NINJ2: variants seen among roughly 807,000 people sequenced by gnomAD.
NINJ2 encodes ninjurin-2.
In NINJ2, 12 loss-of-function variants were observed where a neutral mutation model predicts 11.7. The ratio of observed to expected loss-of-function variants is 1.02; its 90% CI spans 0.66 to 1.66. NINJ2 has a LOEUF of 1.66. NINJ2 is among the 40% of genes most tolerant of loss of function. The probability of loss-of-function intolerance (pLI) is 0.00; values close to 1 mark genes in which losing one functional copy is unlikely to be tolerated. For missense variants in NINJ2, 187 were observed against 181.8 expected, an observed-to-expected ratio of 1.03 and a Z score of -0.16; for synonymous variants, 93 against 76.8, an observed-to-expected ratio of 1.21 and a Z score of -1.10.
chr12:604,215 T>G (rs1179768314), intron 1 of NINJ2, among the ~76,000 whole-genome samples: 1 of 152,130 alleles, frequency 6.6e-6, no homozygotes, highest in Non-Finnish European at 1.5e-5. Flanking sequence ...GTAGACCAAT[T>G]TGGGGAGTAT....
rs547420630 is a variant in NINJ2, at chr12:640,903, A to G, written c.33+22425T>C. 3 of 152,192 alleles carry G rather than the reference A, an allele frequency of 2.0e-5. No homozygotes were observed. The highest frequency in any genetic ancestry group is 6.6e-5 in the Admixed American group (1 of 15,266). 9.4% of individuals were successfully genotyped at this position (152,192 alleles called of 1,614,324 possible). ...CTCCAACCCCTCCACTGTGGCTCCAATGTTACAGACCACTCCTAACTTCAG... is the reference window on the plus strand; with the variant it reads ...CTCCAACCCCTCCACTGTGGCTCCAGTGTTACAGACCACTCCTAACTTCAG... On this transcript the variant is annotated intron_variant, in intron 1 of 3. Transcript: ENST00000305108. This position sits in a 1 kb window ranked among gnomAD's most constrained non-coding sequence, Gnocchi z 4.0.
intron 1 of NINJ2, among the ~76,000 whole-genome samples, chr12:567,423 A>T (rs577465243): frequency 5.3e-4 from 81 of 152,314 alleles, no homozygotes; most frequent in African/African-American, 1.9e-3. Context: ...GCTAGGATTT[A>T]TTGAAGCATA....
chr12:583,470 C>G (rs1279668968), intron 1 of NINJ2, among the ~76,000 whole-genome samples: 6 of 152,256 alleles, frequency 3.9e-5, no homozygotes, highest in Non-Finnish European at 8.8e-5. Flanking sequence ...AGGCTGCCAC[C>G]TGGCACCTGC....
intron 1 of NINJ2, chr12:643,296 ACT>A (rs918740123): frequency 5.2e-5 from 17 of 327,172 alleles, no homozygotes; most frequent in African/African-American, 6.7e-5. Flanking sequence ...CTGTCTGGAG[ACT>A]CTGCACCGTC....
chr12:577,438 T>TGTATATATATATATAC (rs1555161806), intron 1 of NINJ2, among the ~76,000 whole-genome samples: 72 of 140,846 alleles, frequency 5.1e-4, no homozygotes, highest in Admixed American at 8.1e-4. Flanking sequence ...TACATATATA[T>TGTATATATATATATAC]ATATAAATAT....
intron 1 of NINJ2, among the ~76,000 whole-genome samples, chr12:601,179 A>T (rs1194578544): frequency 7.9e-5 from 12 of 152,234 alleles, no homozygotes; most frequent in Admixed American, 7.2e-4. Flanking sequence ...TTTAGAATGC[A>T]TGTAACTAGG....
At chr12:617,567 G>A (rs1294460384) in intron 1 of NINJ2, among the ~76,000 whole-genome samples, 1 of 152,170 alleles carries the variant, frequency 6.6e-6, no homozygotes, top group Non-Finnish European at 1.5e-5. Flanking sequence ...GAAGCTCCTG[G>A]GGATAAAAGG....
chr12:643,685 C>T (rs1401058762), intron 1 of NINJ2: 4 of 987,926 alleles, frequency 4.0e-6, no homozygotes, highest in Non-Finnish European at 4.8e-6. Context: ...TTGAGCCACG[C>T]CTCACCGCAA....
At chr12:599,503 C>T (rs76620290) in intron 1 of NINJ2, among the ~76,000 whole-genome samples, 3,171 of 152,272 alleles carry the variant, frequency 0.021, 117 homozygotes, top group African/African-American at 0.071. Context: ...AGCTACAGCA[C>T]AAGCCATCAC....
chr12:609,218 G>A (rs537275284), intron 1 of NINJ2, among the ~76,000 whole-genome samples: 3 of 130,250 alleles, frequency 2.3e-5, no homozygotes, highest in Non-Finnish European at 5.1e-5. Flanking sequence ...CCACGCGCTA[G>A]GGGCTGAACG....
In NINJ2 at chr12:601,341, TC is replaced by T. The variant is rs1565630577; in HGVS notation, c.34-35164del. ...GCGGGCGGATCAGGAAGTCAGGAGA[TC>T]GAGACCATCCTGGCTAACACAGTGA... On this transcript the variant is annotated intron_variant, in intron 1 of 3. Transcript: ENST00000305108. 5.8e-5 allele frequency among the ~76,000 whole-genome samples: 8 copies of T among 138,670 alleles called. No homozygotes were observed. In the South Asian group the frequency reaches 1.8e-3, roughly 32 times the overall value. 91.0% of individuals were successfully genotyped at this position (138,670 alleles called of 152,430 possible).
rs940481822 is a variant in NINJ2 at position 610,723 on chromosome 12, T to G, written c.34-44545A>C. On this transcript the variant is annotated intron_variant, in intron 1 of 3. Coordinates refer to ENST00000305108, the MANE Select transcript of NINJ2 (RefSeq NM_016533.6). ...ACAAGGACAACCACAGCACTGGAAA[T>G]CTATTCTTTTTTTTTTTTTTTTTTT... 4.9e-5 allele frequency: 21 copies of G among 425,438 alleles called. No individual in the cohort carries two copies. The Middle Eastern group carries it at 3.6e-3, about 73-fold the overall frequency. The allele number at this position is 425,438 out of a possible 1,614,324, so 26.4% of individuals were successfully genotyped here. A position where few individuals can be genotyped will look rare whatever the true frequency, so the allele number is the denominator to read the frequency against.
intron 1 of NINJ2, among the ~76,000 whole-genome samples, chr12:646,099 G>A (rs1937675128): frequency 6.6e-6 from 1 of 152,180 alleles, no homozygotes; most frequent in Admixed American, 6.5e-5. Context: ...CACTACTACT[G>A]TGACTAGCAT....
intron 1 of NINJ2, among the ~76,000 whole-genome samples, chr12:634,363 G>A (rs774543815): frequency 7.4e-6 from 1 of 134,694 alleles, no homozygotes; most frequent in Non-Finnish European, 1.5e-5. Context: ...AGGTTCACAC[G>A]ATTCTCCTGC....
intron 1 of NINJ2, among the ~76,000 whole-genome samples, chr12:584,499 T>TATC (rs1947604886): frequency 1.3e-5 from 2 of 150,254 alleles, no homozygotes; most frequent in Non-Finnish European, 3.0e-5. Context: ...AGTGAAACCC[T>TATC]ATCTCTACTA....
intron 1 of NINJ2, among the ~76,000 whole-genome samples, chr12:662,616 A>T (rs918717347): frequency 9.2e-5 from 14 of 152,144 alleles, no homozygotes; most frequent in Admixed American, 1.3e-4. Flanking sequence ...GTGGTCATAG[A>T]AGGGTTCGTT....
chr12:567,781 G>A (rs557048554), intron 1 of NINJ2, among the ~76,000 whole-genome samples: 2 of 152,288 alleles, frequency 1.3e-5, no homozygotes, highest in African/African-American at 4.8e-5. Flanking sequence ...CAAGGCAGGG[G>A]GATCATTTGA....
chr12:643,610 A>ACGGCCAC, intron 1 of NINJ2: 1 of 987,950 alleles, frequency 1.0e-6, no homozygotes, highest in Non-Finnish European at 1.2e-6. Context: ...GAAGCGTTGT[A>ACGGCCAC]CGGCCACCGA....
intron 1 of NINJ2, among the ~76,000 whole-genome samples, chr12:570,404 G>C (rs1192095955): frequency 6.6e-6 from 1 of 152,222 alleles, no homozygotes; most frequent in South Asian, 2.1e-4. Context: ...GAGAGGATCA[G>C]ATAAAGTCCT....
Sources: allele counts gnomAD v4.1 joint callset (sites outside exome capture counted in the v4.1 genomes callset), GRCh38; gene constraint gnomAD v4.1.1; non-coding constraint Gnocchi (gnomAD v3.1); transcripts MANE v1.5; gene names NCBI Gene and HGNC (gene_info 2026-07-23, HGNC 2026-07-21).